TMCO1: variants seen among roughly 807,000 people sequenced by gnomAD.
The protein encoded by TMCO1 is calcium load-activated calcium channel.
Under a neutral mutation model 29.3 loss-of-function variants are expected in TMCO1, and 29 were observed. The ratio of observed to expected loss-of-function variants is 0.99; its 90% CI spans 0.74 to 1.35. TMCO1 has a LOEUF of 1.35. Ranked by LOEUF, TMCO1 falls within the 40% of genes most tolerant of loss-of-function variation. TMCO1 has a pLI of 0.00. For missense variants in TMCO1, 173 were observed against 225.5 expected, an observed-to-expected ratio of 0.77 and a Z score of 1.49; for synonymous variants, 80 against 77.1, an observed-to-expected ratio of 1.04 and a Z score of -0.20.
chr1:165,732,541 T>C (rs1333761822), intron 6 of TMCO1, among the ~76,000 whole-genome samples: 3 of 151,548 alleles, frequency 2.0e-5, no homozygotes, highest in South Asian at 2.1e-4. Flanking sequence ...ATATAAAATA[T>C]AGTTGCTATG....
chr1:165,749,658 G>A (rs1204469714), intron 5 of TMCO1, among the ~76,000 whole-genome samples: 1 of 151,918 alleles, frequency 6.6e-6, no homozygotes, highest in Non-Finnish European at 1.5e-5. Context: ...GTGAAAACCT[G>A]TCTTTAAATA....
intron 2 of TMCO1, among the ~76,000 whole-genome samples, chr1:165,764,654 G>A (rs991187027): frequency 6.6e-6 from 1 of 152,168 alleles, no homozygotes; most frequent in Non-Finnish European, 1.5e-5. Context: ...TAGAGAATAG[G>A]GAGCAAGAGA....
chr1:165,753,506 A>G (rs1006235941), intron 4 of TMCO1, among the ~76,000 whole-genome samples: 1 of 144,760 alleles, frequency 6.9e-6, no homozygotes, highest in East Asian at 2.1e-4. Context: ...AAGACTTGGC[A>G]GGGTGCAGTG....
At chr1:165,728,799 T>A (rs1012439356) in intron 6 of TMCO1, among the ~76,000 whole-genome samples, 3 of 152,086 alleles carry the variant, frequency 2.0e-5, no homozygotes, top group Non-Finnish European at 4.4e-5. Flanking sequence ...CTGCACTGTC[T>A]ATAATTTTCA....
intron 3 of TMCO1, 142 bp from the exon 4 acceptor site, chr1:165,754,416 T>A: frequency 1.5e-6 from 1 of 649,440 alleles, no homozygotes; most frequent in East Asian, 2.7e-5. Flanking sequence ...TGGGATAGTA[T>A]ACGTTTTGTA....
chr1:165,752,010 A>G, intron 5 of TMCO1, 92 bp downstream of exon 5: 1 of 1,031,474 alleles, frequency 9.7e-7, no homozygotes. Flanking sequence ...AATTACATCA[A>G]AATAAAATAT....
At chr1:165,754,182 A>G (rs1652101090) in intron 4 of TMCO1, 46 bp downstream of exon 4, 2 of 1,530,560 alleles carry the variant, frequency 1.3e-6, no homozygotes, top group South Asian at 1.1e-5. Flanking sequence ...GTCTTTTGCT[A>G]AAAATATTAT....
intron 6 of TMCO1, among the ~76,000 whole-genome samples, chr1:165,742,333 T>G (rs1651629731): frequency 6.6e-6 from 1 of 151,950 alleles, no homozygotes; most frequent in African/African-American, 2.4e-5. Flanking sequence ...TGTAATCAAG[T>G]CTCACTTCAA....
rs1172617593 is a variant in TMCO1, at chr1:165,762,000, T to A, written c.149-2416A>T. On this transcript the variant is annotated intron_variant, in intron 2 of 6. Coordinates refer to ENST00000367881, the MANE Select transcript of TMCO1 (RefSeq NM_019026.6). ...CATTTTTATTAAAATGTTATAAGGATAACATTTTTATTAAAATGTTATAAG... is the reference window on the plus strand; with the variant it reads ...CATTTTTATTAAAATGTTATAAGGAAAACATTTTTATTAAAATGTTATAAG... Among the ~76,000 whole-genome samples, 5 of 100,676 alleles carry A rather than the reference T, an allele frequency of 5.0e-5. 1 individual carries two copies. The highest frequency in any genetic ancestry group is 4.1e-4 in the South Asian group (1 of 2,448). The allele number at this position is 100,676 out of a possible 152,430, so 66.0% of individuals were successfully genotyped here.
At chr1:165,726,003 T>C (rs543404029), downstream of TMCO1, 25 of 685,066 alleles carry the variant, frequency 3.6e-5, no homozygotes, top group South Asian at 3.8e-4. Flanking sequence ...AGAAGTCTGA[T>C]TAGAAAGCAC....
intron 5 of TMCO1, among the ~76,000 whole-genome samples, chr1:165,747,493 T>A (rs1651844646): frequency 6.6e-6 from 1 of 152,130 alleles, no homozygotes. Context: ...CAGACAAAAC[T>A]CAGAAGGGAT....
intron 5 of TMCO1, among the ~76,000 whole-genome samples, chr1:165,746,883 T>C (rs1171722701): frequency 2.0e-5 from 3 of 152,236 alleles, no homozygotes; most frequent in African/African-American, 7.2e-5. Flanking sequence ...TCTGATCATA[T>C]GATTATCTAT....
chr1:165,759,545 C>T lies in TMCO1; in HGVS notation c.188G>A (p.Arg63Gln), dbSNP rs1285976846. Residue 63 changes from arginine to glutamine, a missense_variant, in exon 3 of 7, where the codon CGA becomes CAA. By Grantham distance (43) the Arg-to-Gln change is conservative. Transcript: ENST00000367881. ...KKETITESAG[R>Q]QQKKKIERQE... ...CTTACCTATTTTCTTTTTCTGTTGT[C>T]GACCAGCTGACTCTGTTATTGTTTC... 26 of 1,612,348 alleles carry T rather than the reference C, an allele frequency of 1.6e-5. No individual in the cohort carries two copies. The highest frequency in any genetic ancestry group is 4.0e-5 in the African/African-American group (3 of 74,840).
At chr1:165,753,864 T>A (rs1044091728) in intron 4 of TMCO1, among the ~76,000 whole-genome samples, 1 of 152,172 alleles carries the variant, frequency 6.6e-6, no homozygotes, top group Non-Finnish European at 1.5e-5. Context: ...CCATTTATAA[T>A]GTTCCAACTT....
chr1:165,731,033 G>C (rs1199598055), intron 6 of TMCO1, among the ~76,000 whole-genome samples: 1 of 152,112 alleles, frequency 6.6e-6, no homozygotes. Context: ...CCGAGTAGCA[G>C]GGAATACAGG....
downstream of TMCO1, chr1:165,725,990 A>C: frequency 1.5e-6 from 1 of 683,142 alleles, no homozygotes; most frequent in South Asian, 1.5e-5. Context: ...AACCTGGTCC[A>C]TAAGAAGTCT....
At chr1:165,728,288 G>C (rs982286766) in intron 6 of TMCO1, among the ~76,000 whole-genome samples, 167 bp from the exon 7 acceptor site, 1 of 149,290 alleles carries the variant, frequency 6.7e-6, no homozygotes, top group Non-Finnish European at 1.5e-5. Context: ...ATGGAGTCTC[G>C]CTCTGTCACC....
intron 6 of TMCO1, among the ~76,000 whole-genome samples, chr1:165,736,224 T>C (rs1651375383): frequency 6.6e-6 from 1 of 152,194 alleles, no homozygotes; most frequent in Admixed American, 6.5e-5. Flanking sequence ...AGAAATAAAT[T>C]TCTATTGTAT....
intron 3 of TMCO1, among the ~76,000 whole-genome samples, chr1:165,754,682 T>A (rs1199559145): frequency 6.6e-6 from 1 of 152,202 alleles, no homozygotes; most frequent in Non-Finnish European, 1.5e-5. Flanking sequence ...TGGCATATAG[T>A]CTAAAATTAT....
Sources: allele counts gnomAD v4.1 joint callset (sites outside exome capture counted in the v4.1 genomes callset), GRCh38; gene constraint gnomAD v4.1.1; transcripts MANE v1.5; gene names NCBI Gene and HGNC (gene_info 2026-07-23, HGNC 2026-07-21).